ELL2: variants seen among roughly 807,000 people sequenced by gnomAD.
The protein encoded by ELL2 is elongation factor for RNA polymerase II 2, also known as RNA polymerase II elongation factor ELL2.
ELL2 carries 21 observed loss-of-function variants against 72.8 expected under a neutral mutation model. The ratio of observed to expected loss-of-function variants is 0.29; its 90% CI spans 0.20 to 0.42. The LOEUF (loss-of-function observed/expected upper bound fraction) is 0.42, where lower values mean the gene tolerates loss of function less well. ELL2 is among the 10% of genes least tolerant of loss of function. The pLI, the probability that ELL2 is intolerant of heterozygous loss-of-function variation, is 1.00. For synonymous variants in ELL2, 266 were observed against 283.2 expected (o/e 0.94, Z 0.61); for missense variants, 568 against 772.8 (o/e 0.73, Z 3.14).
chr5:95,927,717 A>G (rs1260850150), intron 2 of ELL2, among the ~76,000 whole-genome samples: 1 of 76,098 alleles, frequency 1.3e-5, no homozygotes, highest in Non-Finnish European at 2.4e-5. Context: ...ACACACACAT[A>G]TGTGTGTATA....
At chr5:95,895,511 G>T (rs1414553535) in intron 9 of ELL2, 117 bp downstream of exon 9, 1 of 874,200 alleles carries the variant, frequency 1.1e-6, no homozygotes, top group Admixed American at 2.4e-5. Flanking sequence ...TGCAAGGGTG[G>T]CTCCAGGACT....
chr5:95,902,127 T>C (rs907614338), intron 5 of ELL2, among the ~76,000 whole-genome samples: 6 of 152,240 alleles, frequency 3.9e-5, no homozygotes, highest in Non-Finnish European at 8.8e-5. Context: ...CCTTGATCAC[T>C]TGTATTAAGT....
chr5:95,899,247 A>G (rs1749029265), intron 7 of ELL2, among the ~76,000 whole-genome samples: 1 of 152,196 alleles, frequency 6.6e-6, no homozygotes, highest in Non-Finnish European at 1.5e-5. Context: ...AAGAGAAAGC[A>G]ATTTGTGCCG....
At chr5:95,942,328 T>C (rs2112347890) in intron 2 of ELL2, among the ~76,000 whole-genome samples, 1 of 152,224 alleles carries the variant, frequency 6.6e-6, no homozygotes, top group Non-Finnish European at 1.5e-5. Flanking sequence ...ACATATTAAT[T>C]TAAATGAAGA....
At chr5:95,895,867 T>A (rs1036683846) in intron 8 of ELL2, among the ~76,000 whole-genome samples, 176 bp from the exon 9 acceptor site, 7 of 152,224 alleles carry the variant, frequency 4.6e-5, no homozygotes, top group Non-Finnish European at 1.0e-4. Flanking sequence ...AGAGGCCCTA[T>A]GACCAGCGCC....
chr5:95,952,935 T>C (rs1023480725), intron 1 of ELL2, among the ~76,000 whole-genome samples: 1 of 151,490 alleles, frequency 6.6e-6, no homozygotes, highest in African/African-American at 2.4e-5. Flanking sequence ...GGCAGAGAGG[T>C]AGGAGGAAAA....
intron 10 of ELL2, 126 bp from the exon 11 acceptor site, chr5:95,889,256 C>G: frequency 1.3e-6 from 1 of 784,048 alleles, no homozygotes; most frequent in Non-Finnish European, 2.0e-6. Context: ...TTGAAACAAT[C>G]TTTATGGAAG....
intron 2 of ELL2, among the ~76,000 whole-genome samples, chr5:95,928,535 T>G (rs1472421451): frequency 1.3e-5 from 2 of 152,178 alleles, no homozygotes; most frequent in South Asian, 4.1e-4. Flanking sequence ...ATTACTGGCA[T>G]CCTGATGAGT....
Position 95,887,261 on chromosome 5 carries a change from A to G in ELL2, c.*1610T>C, listed in dbSNP as rs866894695. ...CTGTATACTTCTGTATACATTTAGT[A>G]TATTATCTAATCTTTCCAGTTAATG... On this transcript the variant is annotated 3_prime_UTR_variant, in exon 12 of 12. Transcript: ENST00000237853. 7 of 152,346 alleles carry G rather than the reference A, an allele frequency of 4.6e-5. No individual in the cohort carries two copies. The highest frequency in any genetic ancestry group is 2.6e-4 in the Admixed American group (4 of 15,286). 9.4% of individuals were successfully genotyped at this position (152,346 alleles called of 1,614,324 possible).
chr5:95,925,304 C>T (rs1480369916), intron 2 of ELL2, among the ~76,000 whole-genome samples: 1 of 152,060 alleles, frequency 6.6e-6, no homozygotes, highest in Non-Finnish European at 1.5e-5. Flanking sequence ...CCAAGATCAT[C>T]TATAATTTCT....
chr5:95,930,909 AT>A (rs11320626), intron 2 of ELL2, among the ~76,000 whole-genome samples: 48,390 of 150,686 alleles, frequency 0.32, 9,511 homozygotes, highest in African/African-American at 0.56. Context: ...ATTTTGTGCC[AT>A]TTTTTTTTTA....
At chr5:95,957,759 G>T (rs74979556) in intron 1 of ELL2, among the ~76,000 whole-genome samples, 1,755 of 152,088 alleles carry the variant, frequency 0.012, 22 homozygotes, top group Middle Eastern at 0.024. Context: ...GAAACAGTGA[G>T]GAATTGTAAT....
chr5:95,961,143 C>T (rs1751831017), intron 1 of ELL2, among the ~76,000 whole-genome samples: 1 of 152,220 alleles, frequency 6.6e-6, no homozygotes, highest in African/African-American at 2.4e-5. Flanking sequence ...CTGGAAAACG[C>T]GGGCAGCTGG....
chr5:95,938,767 AT>A (rs1750867776), intron 2 of ELL2, among the ~76,000 whole-genome samples: 1 of 152,184 alleles, frequency 6.6e-6, no homozygotes. Context: ...ATGTAAAACT[AT>A]TTTCTAAAGC....
At chr5:95,907,296 A>ATTTTTTTTTTTTTTTTTT (rs1211663802) in intron 4 of ELL2, among the ~76,000 whole-genome samples, 22 of 116,480 alleles carry the variant, frequency 1.9e-4, no homozygotes, top group South Asian at 9.2e-4. Context: ...ATATATATAT[A>ATTTTTTTTTTTTTTTTTT]TTTTTTTTTT....
intron 3 of ELL2, among the ~76,000 whole-genome samples, chr5:95,914,801 C>T (rs138194963): frequency 2.8e-4 from 42 of 151,848 alleles, no homozygotes; most frequent in African/African-American, 8.5e-4. Flanking sequence ...GCTGAGATGG[C>T]GCCACTGCAC....
At chr5:95,950,229 A>T (rs1331800381) in intron 1 of ELL2, among the ~76,000 whole-genome samples, 1 of 152,204 alleles carries the variant, frequency 6.6e-6, no homozygotes, top group Non-Finnish European at 1.5e-5. Flanking sequence ...GATAAAATAG[A>T]TCATCTTTCT....
intron 2 of ELL2, among the ~76,000 whole-genome samples, chr5:95,927,488 T>C (rs1263703455): frequency 3.0e-5 from 1 of 33,498 alleles, no homozygotes; most frequent in Non-Finnish European, 4.9e-5. Context: ...CACACACGTG[T>C]GTATATAGAC....
chr5:95,888,996 G>GAAAAAA lies in ELL2; in HGVS notation c.1807-15_1807-10dup, dbSNP rs199699795. 2.5e-5 allele frequency: 31 copies of GAAAAAA among 1,257,306 alleles called. 1 individual carries two copies. Among genetic ancestry groups the GAAAAAA allele is most frequent in the East Asian group, 2.1e-4 (8 of 38,392 alleles). 77.9% of individuals were successfully genotyped at this position (1,257,306 alleles called of 1,614,324 possible). Reference sequence around the variant, plus strand: ...TGGTAATTGGGACTAGACTGCAGATGAAAAAAAAAAAAAAAAAAGAGGAAT... The same window carrying GAAAAAA: ...TGGTAATTGGGACTAGACTGCAGATGAAAAAAAAAAAAAAAAAAAAAAAAGAGGAAT... On this transcript the variant is annotated splice_polypyrimidine_tract_variant and intron_variant, in intron 11 of 11. Transcript: ENST00000237853.
Sources: gnomAD v4.1 joint callset for allele counts (sites outside exome capture counted in the v4.1 genomes callset) on GRCh38, gnomAD v4.1.1 for gene constraint, MANE v1.5 for transcripts, NCBI Gene and HGNC (gene_info 2026-07-23, HGNC 2026-07-21) for gene names.